The following PKHD1 variants were observed in gnomAD, a reference collection of about 807,000 sequenced individuals.
PKHD1 encodes the protein PKHD1 ciliary IPT domain containing fibrocystin/polyductin.
In PKHD1, 291 loss-of-function variants were observed where a neutral mutation model predicts 412.0. The observed-to-expected ratio is 0.71, with a 90% CI of 0.64 to 0.78. PKHD1 has a LOEUF of 0.78. Ranked by LOEUF, PKHD1 falls within the 30% of genes least tolerant of loss-of-function variation. The pLI is 0.00. For synonymous variants in PKHD1, 1,777 were observed against 1,821.5 expected (o/e 0.98, Z 0.62); for missense variants, 4,825 against 4,950.7 (o/e 0.97, Z 0.76).
chr6:51,985,500 G>A (rs554589003), intron 35 of PKHD1, among the ~76,000 whole-genome samples: 122 of 152,250 alleles, frequency 8.0e-4, no homozygotes, highest in African/African-American at 2.4e-3. Flanking sequence ...AGGCTGAGGC[G>A]GGCGGATCAC....
rs898134827 is a variant in PKHD1, at chr6:51,744,688, T to G, written c.9999-146A>C. 9.1e-6 allele frequency: 6 copies of G among 660,922 alleles called. No individual in the cohort carries two copies. The African/African-American group carries it at 9.1e-5, about 10-fold the overall frequency. The allele number at this position is 660,922 out of a possible 1,614,324, so 40.9% of individuals were successfully genotyped here. A position where few individuals can be genotyped will look rare whatever the true frequency, so the allele number is the denominator to read the frequency against. Reference sequence around the variant, plus strand: ...GTTACATAGATATAAAATAAAACTCTTTATGAAATAATTTATTTCCCAATT... The same window carrying G: ...GTTACATAGATATAAAATAAAACTCGTTATGAAATAATTTATTTCCCAATT... On this transcript the variant is annotated intron_variant, in intron 59 of 66. Transcript: ENST00000371117.
At chr6:51,629,969 A>G (rs1457240656) in intron 65 of PKHD1, among the ~76,000 whole-genome samples, 1 of 151,720 alleles carries the variant, frequency 6.6e-6, no homozygotes, top group Non-Finnish European at 1.5e-5. Context: ...ACAGGTTTCT[A>G]ATTCTTAATG....
At chr6:51,846,664 A>T (rs537222111) in intron 50 of PKHD1, among the ~76,000 whole-genome samples, 1 of 152,188 alleles carries the variant, frequency 6.6e-6, no homozygotes, top group Non-Finnish European at 1.5e-5. Context: ...CATGCACAGT[A>T]AGAAGATAAG....
intron 40 of PKHD1, among the ~76,000 whole-genome samples, chr6:51,908,018 C>T (rs1450826391): frequency 1.3e-5 from 2 of 152,046 alleles, no homozygotes; most frequent in Non-Finnish European, 2.9e-5. Flanking sequence ...CAATTGATAA[C>T]TTATTTGTGA....
chr6:51,738,578 T>C (rs1784153239), intron 60 of PKHD1, among the ~76,000 whole-genome samples: 1 of 152,246 alleles, frequency 6.6e-6, no homozygotes, highest in Non-Finnish European at 1.5e-5. Context: ...ACTATAGTAG[T>C]CATTTTACTA....
At chr6:51,927,607 C>A (rs970155216) in intron 37 of PKHD1, among the ~76,000 whole-genome samples, 9 of 152,244 alleles carry the variant, frequency 5.9e-5, no homozygotes, top group East Asian at 3.9e-4. Context: ...AAGAGGGCTG[C>A]ATAAGTATCA....
chr6:52,055,672 C>T lies in PKHD1; in HGVS notation c.1751G>A (p.Gly584Asp). 6.2e-7 allele frequency: 1 copy of T among 1,613,914 alleles called. No individual in the cohort carries two copies. Among genetic ancestry groups the T allele is most frequent in the Admixed American group, 1.7e-5 (1 of 60,014 alleles). ...TCGAGGCTGACGGAGGCTGAACCTG[C>T]CACAGAAGGGCTCCGTCCCACTGGT... is the stretch of plus-strand genomic sequence containing the variant. ...DLTSGTEPFCGRFSLRQPRHL... is the reference protein window; with the variant it reads ...DLTSGTEPFCDRFSLRQPRHL... The change falls in exon 19 of 67, where the codon GGC (glycine) becomes GAC (aspartate). Residue 584 changes from glycine to aspartate, a missense_variant. Coordinates refer to ENST00000371117, the MANE Select transcript of PKHD1 (RefSeq NM_138694.4).
intron 11 of PKHD1, among the ~76,000 whole-genome samples, chr6:52,067,226 T>A (rs969851128): frequency 2.0e-5 from 3 of 152,214 alleles, no homozygotes; most frequent in African/African-American, 7.2e-5. Context: ...CACTAAACCA[T>A]AATAACCCCC....
intron 52 of PKHD1, among the ~76,000 whole-genome samples, chr6:51,817,100 C>A (rs548665939): frequency 1.4e-4 from 21 of 152,208 alleles, no homozygotes; most frequent in South Asian, 6.2e-4. Context: ...CCCAGAAGTT[C>A]TTTCCCATAT....
intron 32 of PKHD1, among the ~76,000 whole-genome samples, chr6:52,024,099 C>T (rs2435317): frequency 0.98 from 149,844 of 152,344 alleles, 73,754 homozygotes; most frequent in East Asian, 1. Flanking sequence ...AGAAAACAGT[C>T]CAACCAATTT....
At chr6:51,695,865 C>T (rs948349323) in intron 60 of PKHD1, among the ~76,000 whole-genome samples, 1 of 152,124 alleles carries the variant, frequency 6.6e-6, no homozygotes, top group Non-Finnish European at 1.5e-5. Context: ...CCTTTACTAT[C>T]TTGTGTCTGT....
chr6:51,909,540 A>G (rs1184033911), intron 39 of PKHD1, 66 bp from the exon 40 acceptor site: 15 of 1,228,084 alleles, frequency 1.2e-5, no homozygotes, highest in Admixed American at 1.7e-5. Flanking sequence ...CAAATCTCCC[A>G]GTTTGAAAGG....
At chr6:51,815,566 A>G (rs901726675) in intron 52 of PKHD1, among the ~76,000 whole-genome samples, 18 of 152,136 alleles carry the variant, frequency 1.2e-4, no homozygotes, top group African/African-American at 4.3e-4. Flanking sequence ...GATTCCATCC[A>G]AGAAGAATGA....
intron 60 of PKHD1, among the ~76,000 whole-genome samples, chr6:51,728,724 T>C (rs1314560777): frequency 6.6e-6 from 1 of 152,228 alleles, no homozygotes; most frequent in Non-Finnish European, 1.5e-5. Context: ...ACTTCTGACC[T>C]ACAAAACTGT....
At chr6:51,943,033 C>A (rs1170555573) in intron 36 of PKHD1, among the ~76,000 whole-genome samples, 1 of 151,580 alleles carries the variant, frequency 6.6e-6, no homozygotes, top group Non-Finnish European at 1.5e-5. Flanking sequence ...CCCACAGGGT[C>A]TAAGAAGGCC....
At chr6:52,061,869 T>G (rs1250505230) in intron 14 of PKHD1, among the ~76,000 whole-genome samples, 1 of 152,080 alleles carries the variant, frequency 6.6e-6, no homozygotes, top group Non-Finnish European at 1.5e-5. Context: ...GGAAACAGTG[T>G]GTCTAAGCAA....
intron 50 of PKHD1, among the ~76,000 whole-genome samples, chr6:51,841,072 A>G (rs1026054926): frequency 3.3e-5 from 5 of 152,252 alleles, no homozygotes; most frequent in Admixed American, 2.0e-4. Context: ...CACAATTATG[A>G]AAATGGTACT....
At chr6:51,699,640 C>T (rs989712246) in intron 60 of PKHD1, among the ~76,000 whole-genome samples, 2 of 152,142 alleles carry the variant, frequency 1.3e-5, no homozygotes, top group African/African-American at 4.8e-5. Context: ...TTATAAGTAA[C>T]TGCCAAACTG....
chr6:52,037,262 AG>A (rs957238400), intron 27 of PKHD1, among the ~76,000 whole-genome samples: 13 of 152,112 alleles, frequency 8.5e-5, no homozygotes, highest in Non-Finnish European at 1.8e-4. Flanking sequence ...TTAAAAAGAA[AG>A]TTTTTTGACT....
Sources: gnomAD v4.1 joint callset for allele counts (sites outside exome capture counted in the v4.1 genomes callset) on GRCh38, gnomAD v4.1.1 for gene constraint, MANE v1.5 for transcripts, NCBI Gene and HGNC (gene_info 2026-07-23, HGNC 2026-07-21) for gene names.